DAB1: variants seen among roughly 807,000 people sequenced by gnomAD.
The protein encoded by DAB1 is disabled homolog 1.
A neutral mutation model predicts 64.6 loss-of-function variants in DAB1; 15 were observed. That is an observed-to-expected ratio of 0.23 (90% CI 0.16 to 0.36). DAB1 has a LOEUF of 0.36. Among genes scored for constraint, DAB1 ranks in the 10% least tolerant of loss-of-function variants. The pLI is 1.00. For synonymous variants in DAB1, 235 were observed against 251.9 expected, an observed-to-expected ratio of 0.93 and a Z score of 0.64; for missense variants, 596 against 706.7, an observed-to-expected ratio of 0.84 and a Z score of 1.78.
At chr1:58,038,354 C>G (rs1363887084) in intron 5 of DAB1, among the ~76,000 whole-genome samples, 1 of 152,052 alleles carries the variant, frequency 6.6e-6, no homozygotes, top group Non-Finnish European at 1.5e-5. Flanking sequence ...TCTGGATTGG[C>G]AACTAAACAG....
Position 58,024,937 on chromosome 1 carries a change from G to C in DAB1, n.387+125574C>G, listed in dbSNP as rs538829805. On this transcript the variant is annotated intron_variant and non_coding_transcript_variant, in intron 5 of 20. Coordinates refer to the DAB1 transcript ENST00000485760. ...AGCAGCTATCTTGGGTACCCAACCT[G>C]CTGCCTCAGATCTTGGGACTTGTCA... is the stretch of plus-strand genomic sequence containing the variant. Among the ~76,000 whole-genome samples, 12 of 152,222 alleles carry C rather than the reference G, an allele frequency of 7.9e-5. No individual in the cohort carries two copies. In the East Asian group the frequency reaches 2.3e-3, roughly 29 times the overall value.
chr1:57,181,427 C>T (rs77825301), intron 2 of DAB1, among the ~76,000 whole-genome samples: 5,773 of 152,226 alleles, frequency 0.038, 357 homozygotes, highest in African/African-American at 0.13. Context: ...AGCAGCTGAT[C>T]GATGCACTTC....
Position 57,680,946 on chromosome 1 carries a change from G to A in DAB1, n.552-31281C>T, listed in dbSNP as rs1558604815. Among the ~76,000 whole-genome samples, 3 of 152,166 alleles carry A rather than the reference G, an allele frequency of 2.0e-5. No homozygotes were observed. The South Asian group carries it at 6.2e-4, about 32-fold the overall frequency. ...GTAGGTCACATCAGTATCTCTGAAT[G>A]GAATGCTTAGCAAGTTCTTGATCAT... On this transcript the variant is annotated intron_variant and non_coding_transcript_variant, in intron 6 of 20. Transcript: ENST00000485760.
chr1:58,183,875 G>C (rs1656928530), intron 4 of DAB1, among the ~76,000 whole-genome samples: 1 of 150,594 alleles, frequency 6.6e-6, no homozygotes, highest in African/African-American at 2.4e-5. Context: ...TTTTAAGCCT[G>C]TTAGATACCC....
chr1:58,381,117 G>C (rs1644384590), intron 3 of DAB1, among the ~76,000 whole-genome samples: 2 of 152,118 alleles, frequency 1.3e-5, no homozygotes. Flanking sequence ...ACACATGGAG[G>C]GGAAAAACAC....
At chr1:57,426,874 A>ATATATATATATATATATATT (rs57970737), upstream of DAB1, among the ~76,000 whole-genome samples, 7 of 149,280 alleles carry the variant, frequency 4.7e-5, no homozygotes, top group Non-Finnish European at 8.9e-5. Flanking sequence ...ATATATATAT[A>ATATATATATATATATATATT]TTTTTTTGAG....
chr1:57,253,432 G>C (rs1276482124), intron 2 of DAB1, among the ~76,000 whole-genome samples: 1 of 152,124 alleles, frequency 6.6e-6, no homozygotes, highest in Non-Finnish European at 1.5e-5. Context: ...AAAATGCAGA[G>C]GGAGAGGAGT....
At chr1:57,597,838 T>A (rs1393020824) in intron 7 of DAB1, among the ~76,000 whole-genome samples, 1 of 152,264 alleles carries the variant, frequency 6.6e-6, no homozygotes, top group East Asian at 1.9e-4. Context: ...GCAAACTAAT[T>A]TTTTTAAGTC....
At chr1:58,456,663 G>A (rs1645195873) in intron 3 of DAB1, among the ~76,000 whole-genome samples, 1 of 152,142 alleles carries the variant, frequency 6.6e-6, no homozygotes. Flanking sequence ...GAAAGATGAT[G>A]ACACAAATCT....
At chr1:57,778,741 G>A (rs929462454) in intron 6 of DAB1, among the ~76,000 whole-genome samples, 4 of 152,120 alleles carry the variant, frequency 2.6e-5, no homozygotes, top group African/African-American at 9.7e-5. Context: ...GTAAAATTGT[G>A]ATTATGGATC....
intron 7 of DAB1, among the ~76,000 whole-genome samples, chr1:57,447,764 A>G (rs551512745): frequency 2.3e-4 from 35 of 152,224 alleles, no homozygotes; most frequent in Non-Finnish European, 3.8e-4. Context: ...AGCATCTCTT[A>G]TCAAGATCCC....
intron 5 of DAB1, among the ~76,000 whole-genome samples, chr1:58,018,509 A>T (rs1257342442): frequency 6.6e-6 from 1 of 152,134 alleles, no homozygotes; most frequent in Non-Finnish European, 1.5e-5. Flanking sequence ...ATTTCAACCA[A>T]TGGCTTTAGT....
intron 10 of DAB1, among the ~76,000 whole-genome samples, chr1:57,024,045 C>G (rs1646706259): frequency 6.6e-6 from 1 of 151,854 alleles, no homozygotes; most frequent in Non-Finnish European, 1.5e-5. Flanking sequence ...TGAAATACAC[C>G]CACTCAAGAC....
At chr1:58,095,857 T>C (rs1047865378) in intron 5 of DAB1, among the ~76,000 whole-genome samples, 1 of 152,190 alleles carries the variant, frequency 6.6e-6, no homozygotes, top group Admixed American at 6.5e-5. Context: ...CCTGACACCA[T>C]GTAAGTCCCT....
chr1:57,179,122 A>G (rs1662643419), intron 2 of DAB1, among the ~76,000 whole-genome samples: 1 of 152,256 alleles, frequency 6.6e-6, no homozygotes, highest in Non-Finnish European at 1.5e-5. Flanking sequence ...GAAATCTTGA[A>G]ATTCAATATT....
chr1:58,028,494 C>G (rs1485182934), intron 5 of DAB1, among the ~76,000 whole-genome samples: 1 of 152,074 alleles, frequency 6.6e-6, no homozygotes, highest in Admixed American at 6.5e-5. Flanking sequence ...AGTACTATGT[C>G]TAGCGGCCAT....
chr1:57,047,146 CT>C (rs1306043711), intron 9 of DAB1, among the ~76,000 whole-genome samples: 2 of 152,232 alleles, frequency 1.3e-5, no homozygotes, highest in African/African-American at 4.8e-5. Flanking sequence ...GCTGTTCTAA[CT>C]TATTTAACTC....
intron 9 of DAB1, among the ~76,000 whole-genome samples, chr1:57,035,447 T>C (rs189995858): frequency 1.3e-5 from 2 of 152,232 alleles, no homozygotes; most frequent in Admixed American, 1.3e-4. Context: ...AGCATGAGCG[T>C]GTTGTCACCT....
chr1:58,478,345 C>G (rs1645440333), intron 3 of DAB1, among the ~76,000 whole-genome samples: 1 of 152,180 alleles, frequency 6.6e-6, no homozygotes, highest in Non-Finnish European at 1.5e-5. Context: ...ATTACCTAGT[C>G]TCGGGTATGT....
Sources: gnomAD v4.1 joint callset for allele counts (sites outside exome capture counted in the v4.1 genomes callset) on GRCh38, gnomAD v4.1.1 for gene constraint, MANE v1.5 for transcripts, NCBI Gene and HGNC (gene_info 2026-07-23, HGNC 2026-07-21) for gene names.